CCDC102B: variants seen among roughly 807,000 people sequenced by gnomAD.
CCDC102B encodes coiled-coil domain containing 102B.
CCDC102B carries 75 observed loss-of-function variants against 57.4 expected under a neutral mutation model. The ratio of observed to expected loss-of-function variants is 1.31; its 90% confidence interval spans 1.08 to 1.58. CCDC102B has a LOEUF of 1.58. Among genes scored for constraint, CCDC102B ranks in the 40% most tolerant of loss-of-function variants. The pLI is 0.00. For missense variants in CCDC102B, 636 were observed against 582.6 expected (o/e 1.09, Z -0.94); for synonymous variants, 206 against 201.9 (o/e 1.02, Z -0.17).
Position 68,838,303 on chromosome 18 carries a change from CTT to C in CCDC102B, c.607-402_607-401del, listed in dbSNP as rs33939741. The C allele has an allele frequency of 3.7e-3, 2,373 of 645,404 alleles. 48 individuals carry two copies. The African/African-American group carries it at 0.044, about 12-fold the overall frequency. The allele number at this position is 645,404 out of a possible 1,614,324, so 40.0% of individuals were successfully genotyped here. On this transcript the variant is annotated intron_variant, in intron 2 of 7. Coordinates refer to ENST00000360242, the MANE Select transcript of CCDC102B (RefSeq NM_024781.3). ...TTCAACAGCTTCCTGAAAATTCTAT[CTT>C]GTCTTTCAAAAATGTTAAAAAATGA...
chr18:69,037,703 C>T (rs764811158), intron 7 of CCDC102B, among the ~76,000 whole-genome samples: 3 of 151,092 alleles, frequency 2.0e-5, no homozygotes, highest in Non-Finnish European at 4.4e-5. Flanking sequence ...AAATCAGCCT[C>T]GTTTTGTATA....
chr18:68,921,742 C>G (rs1199033964), intron 6 of CCDC102B, among the ~76,000 whole-genome samples: 1 of 152,160 alleles, frequency 6.6e-6, no homozygotes, highest in Non-Finnish European at 1.5e-5. Context: ...CCTACAAACA[C>G]AAGGGACTAA....
At chr18:68,880,077 C>G (rs1022582815) in intron 5 of CCDC102B, among the ~76,000 whole-genome samples, 14 of 152,076 alleles carry the variant, frequency 9.2e-5, no homozygotes, top group African/African-American at 3.4e-4. Flanking sequence ...TTGGGCCCCA[C>G]GGGAGCCCAT....
At chr18:68,888,887 C>A (rs2039977765) in intron 5 of CCDC102B, among the ~76,000 whole-genome samples, 1 of 152,116 alleles carries the variant, frequency 6.6e-6, no homozygotes, top group African/African-American at 2.4e-5. Context: ...TTATTGTTTT[C>A]TCCAGAAACC....
chr18:68,914,934 G>A (rs1035709546), intron 6 of CCDC102B, among the ~76,000 whole-genome samples: 8 of 151,796 alleles, frequency 5.3e-5, no homozygotes, highest in African/African-American at 1.9e-4. Flanking sequence ...ATGACTTTAG[G>A]TGAGGACTTA....
chr18:68,715,335 A>G, exon 1 of CCDC102B: 3 of 962,338 alleles, frequency 3.1e-6, no homozygotes, highest in Non-Finnish European at 3.9e-6. Context: ...GAAGGTGAAT[A>G]CCGGTGAAAG....
At chr18:69,031,264 C>G (rs2052136341) in intron 7 of CCDC102B, among the ~76,000 whole-genome samples, 1 of 152,058 alleles carries the variant, frequency 6.6e-6, no homozygotes, top group Non-Finnish European at 1.5e-5. Flanking sequence ...CTTAGGGGGT[C>G]TCTTCTAAAT....
chr18:68,958,836 C>T (rs974101401), intron 6 of CCDC102B, among the ~76,000 whole-genome samples: 7 of 152,110 alleles, frequency 4.6e-5, no homozygotes, highest in Admixed American at 4.6e-4. Flanking sequence ...TTCAGAATTT[C>T]TGCTTGATTC....
chr18:68,943,829 G>A lies in CCDC102B; in HGVS notation c.1263+46401G>A, dbSNP rs115166431. Among the ~76,000 whole-genome samples the A allele has an allele frequency of 8.4e-3, 1,278 of 152,230 alleles. 17 individuals are homozygous for A. Among genetic ancestry groups the A allele is most frequent in the African/African-American group, 0.029 (1,213 of 41,554 alleles). ...ACTTTTATACCTTGGTTTAGGAAGC[G>A]GAGGGGAACTCAAATGCAATAATTC... On this transcript the variant is annotated intron_variant, in intron 6 of 7. Transcript: ENST00000360242.
chr18:68,972,500 C>A (rs1270561116), intron 6 of CCDC102B, among the ~76,000 whole-genome samples: 2 of 152,164 alleles, frequency 1.3e-5, no homozygotes, highest in Non-Finnish European at 2.9e-5. Context: ...TGATTTCTAT[C>A]TGTTCAGATT....
At chr18:68,773,503 A>G (rs1185615605) in intron 2 of CCDC102B, among the ~76,000 whole-genome samples, 1 of 152,008 alleles carries the variant, frequency 6.6e-6, no homozygotes. Context: ...TTAAATGACT[A>G]AATTGCCTCG....
rs143812946 is a variant in CCDC102B, at chr18:68,908,280, T to A, written c.1263+10852T>A. 37 of 152,324 alleles carry A rather than the reference T, an allele frequency of 2.4e-4. 1 individual carries two copies. The East Asian group carries it at 6.9e-3, about 29-fold the overall frequency. The allele number at this position is 152,324 out of a possible 1,614,324, so 9.4% of individuals were successfully genotyped here. ...TGTCATGTCTGGCTTGGGGTCAGGGTAATGCTAGACGTTGAAGGACAATAA... is the reference window on the plus strand; with the variant it reads ...TGTCATGTCTGGCTTGGGGTCAGGGAAATGCTAGACGTTGAAGGACAATAA... On this transcript the variant is annotated intron_variant, in intron 6 of 7. Transcript: ENST00000360242.
chr18:68,905,462 T>A (rs555267984), intron 6 of CCDC102B, among the ~76,000 whole-genome samples: 1 of 151,348 alleles, frequency 6.6e-6, no homozygotes, highest in African/African-American at 2.4e-5. Flanking sequence ...GATTAATAGA[T>A]CTGAGCCATT....
chr18:68,846,253 C>A, intron 3 of CCDC102B, 60 bp from the exon 4 acceptor site: 2 of 1,072,622 alleles, frequency 1.9e-6, no homozygotes, highest in South Asian at 2.4e-5. Context: ...TTGAATGCAT[C>A]CTTGAAAGTA....
chr18:69,043,300 C>T (rs1200606247), intron 7 of CCDC102B, among the ~76,000 whole-genome samples: 1 of 152,074 alleles, frequency 6.6e-6, no homozygotes, highest in Non-Finnish European at 1.5e-5. Context: ...CGGAGACATT[C>T]CATTGCCCAG....
intron 2 of CCDC102B, among the ~76,000 whole-genome samples, chr18:68,725,030 C>T (rs2032528109): frequency 6.6e-6 from 1 of 152,176 alleles, no homozygotes; most frequent in Non-Finnish European, 1.5e-5. Context: ...GCGGAAGGCA[C>T]CTCTTCACAG....
intron 2 of CCDC102B, among the ~76,000 whole-genome samples, chr18:68,789,658 C>G (rs1475933773): frequency 6.9e-6 from 1 of 145,650 alleles, no homozygotes; most frequent in African/African-American, 2.6e-5. Flanking sequence ...ACGTAGTTCT[C>G]GAGCCTTGGT....
At chr18:69,056,496 T>A (rs1260673220), downstream of CCDC102B, among the ~76,000 whole-genome samples, 1 of 152,030 alleles carries the variant, frequency 6.6e-6, no homozygotes, top group Non-Finnish European at 1.5e-5. Context: ...AGCTTTACCC[T>A]GTAGGTTTCT....
At chr18:68,968,945 A>G (rs1238548494) in intron 6 of CCDC102B, among the ~76,000 whole-genome samples, 2 of 152,186 alleles carry the variant, frequency 1.3e-5, no homozygotes, top group East Asian at 1.9e-4. Context: ...AATTGTATAC[A>G]TTAATTATGT....
Sources: gnomAD v4.1 joint callset for allele counts (sites outside exome capture counted in the v4.1 genomes callset) on GRCh38, gnomAD v4.1.1 for gene constraint, MANE v1.5 for transcripts, NCBI Gene and HGNC (gene_info 2026-07-23, HGNC 2026-07-21) for gene names.